PRKCD: variants seen among roughly 807,000 people sequenced by gnomAD.
PRKCD encodes the protein protein kinase C delta, also known as protein kinase C delta type.
A neutral mutation model predicts 82.2 loss-of-function variants in PRKCD; 20 were observed. The observed-to-expected ratio is 0.24, with a 90% CI of 0.17 to 0.35. PRKCD has a LOEUF of 0.35. Among genes scored for constraint, PRKCD ranks in the 10% least tolerant of loss-of-function variants. The pLI, the probability that PRKCD is intolerant of heterozygous loss-of-function variation, is 1.00. For synonymous variants in PRKCD, 317 were observed against 337.0 expected (o/e 0.94, Z 0.65); for missense variants, 607 against 899.0 (o/e 0.68, Z 4.15).
chr3:53,186,737 A>G (rs1553669257), intron 14 of PRKCD, 42 bp downstream of exon 14: 27 of 1,530,612 alleles, frequency 1.8e-5, no homozygotes, highest in Non-Finnish European at 2.3e-5. Context: ...GTGTGGAGGA[A>G]GGGCTACTGG....
intron 9 of PRKCD, among the ~76,000 whole-genome samples, chr3:53,184,009 C>G (rs991254192): frequency 2.0e-5 from 3 of 152,298 alleles, no homozygotes; most frequent in South Asian, 4.1e-4. Context: ...AATTAGGTCC[C>G]TGTCTTCTGG....
intron 6 of PRKCD, 40 bp from the exon 7 acceptor site, chr3:53,181,661 G>T (rs782210145): frequency 1.2e-6 from 2 of 1,612,500 alleles, no homozygotes; most frequent in Admixed American, 3.3e-5. Flanking sequence ...GGCCGATCCC[G>T]GTCCCCGCTC....
intron 4 of PRKCD, 46 bp downstream of exon 4, chr3:53,179,822 G>GTC (rs782804810): frequency 2.3e-5 from 33 of 1,458,636 alleles, no homozygotes; most frequent in African/African-American, 2.9e-5. Context: ...GTGTGTGTCT[G>GTC]TGTGTGTGTG....
chr3:53,171,365 G>A (rs1253492842), intron 2 of PRKCD, among the ~76,000 whole-genome samples: 1 of 152,170 alleles, frequency 6.6e-6, no homozygotes, highest in Non-Finnish European at 1.5e-5. Flanking sequence ...TGACAGCCAG[G>A]CTCCCAAGTC....
intron 2 of PRKCD, among the ~76,000 whole-genome samples, chr3:53,174,375 C>T (rs1022687305): frequency 1.3e-5 from 2 of 152,190 alleles, no homozygotes; most frequent in Non-Finnish European, 1.5e-5. Context: ...AGGAGCTTGT[C>T]CCCATGGAGG....
At chr3:53,186,379 C>T in intron 13 of PRKCD, 39 bp downstream of exon 13, 1 of 1,610,262 alleles carries the variant, frequency 6.2e-7, no homozygotes, top group Non-Finnish European at 8.5e-7. Context: ...CATGCCACAG[C>T]CATGTCCCAC....
At chr3:53,183,285 T>C in intron 8 of PRKCD, 79 bp downstream of exon 8, 1 of 1,448,372 alleles carries the variant, frequency 6.9e-7, no homozygotes, top group Non-Finnish European at 9.6e-7. Context: ...CTCCCCACCC[T>C]CCCTGGGGAG....
intron 2 of PRKCD, among the ~76,000 whole-genome samples, chr3:53,177,663 C>T (rs772855172): frequency 3.3e-5 from 5 of 152,150 alleles, no homozygotes; most frequent in African/African-American, 4.8e-5. Context: ...ATGGCACATA[C>T]CAGGTGCCTG....
At chr3:53,183,688 A>G in intron 9 of PRKCD, 107 bp downstream of exon 9, 4 of 1,462,212 alleles carry the variant, frequency 2.7e-6, no homozygotes, top group African/African-American at 1.4e-5. Context: ...GGAGACGGGC[A>G]CCTCATTCAG....
In PRKCD at chr3:53,186,547, CAGTG is replaced by C; in HGVS notation, c.1261-54_1261-51del. The C allele has an allele frequency of 1.5e-5, 23 of 1,507,722 alleles. No homozygotes were observed. In the Middle Eastern group the frequency reaches 8.7e-4, roughly 57 times the overall value. The allele number at this position is 1,507,722 out of a possible 1,614,324, so 93.4% of individuals were successfully genotyped here. On this transcript the variant is annotated intron_variant, in intron 13 of 18. Coordinates refer to ENST00000330452, the MANE Select transcript of PRKCD (RefSeq NM_006254.4). Reference sequence around the variant, plus strand: ...GTTGGGGCTTGGCCCCAGTGGCCCTCAGTGAGGGAGCCTCCTGCCTATTCCTCAC... The same window carrying C: ...GTTGGGGCTTGGCCCCAGTGGCCCTCAGGGAGCCTCCTGCCTATTCCTCAC...
intron 18 of PRKCD, among the ~76,000 whole-genome samples, chr3:53,190,426 C>T (rs782304199): frequency 6.6e-5 from 10 of 152,042 alleles, no homozygotes; most frequent in Non-Finnish European, 1.5e-4. Flanking sequence ...ATTTGTGATA[C>T]GAGATGACAG....
chr3:53,179,761 C>A lies in PRKCD; in HGVS notation c.300C>A (p.Gly100=), dbSNP rs782734100. 64 of 1,566,062 alleles carry A rather than the reference C, an allele frequency of 4.1e-5. No homozygotes were observed. In the Middle Eastern group the frequency reaches 5.1e-4, roughly 12 times the overall value. ...VLAERCKKNN[G]KAEFWLDLQP... The stretch of plus-strand genomic sequence containing the variant: ...CCGAGCGCTGCAAGAAGAACAATGG[C>A]AAGGCTGAGTTCTGGGTAAGGGGCG... The change falls in exon 4 of 19, where the codon GGC becomes GGA. Residue 100 remains glycine (G), a synonymous_variant. Coordinates refer to ENST00000330452, the MANE Select transcript of PRKCD (RefSeq NM_006254.4).
rs143202454 is a variant in PRKCD at position 53,185,675 on chromosome 3, C to T, written c.960C>T (p.Thr320=). 46 of 1,612,488 alleles carry T rather than the reference C, an allele frequency of 2.9e-5. No individual in the cohort carries two copies. The Middle Eastern group carries it at 9.9e-4, about 35-fold the overall frequency. Reference sequence around the variant, plus strand: ...TATATCAGGGTTTCGAGAAGAAGACCGGAGTTGCTGGGGAGGACATGCAAG... The same window carrying T: ...TATATCAGGGTTTCGAGAAGAAGACTGGAGTTGCTGGGGAGGACATGCAAG... ...VGIYQGFEKK[T]GVAGEDMQDN... Residue 320 remains threonine (T), a synonymous_variant, in exon 11 of 19, where the codon ACC becomes ACT. Transcript: ENST00000330452.
rs782411648 is a variant in PRKCD at position 53,178,410 on chromosome 3, T to C, written c.-13T>C. 6.2e-7 allele frequency: 1 copy of C among 1,607,864 alleles called. No homozygotes were observed. Among genetic ancestry groups the C allele is most frequent in the South Asian group, 1.1e-5 (1 of 90,748 alleles). On this transcript the variant is annotated 5_prime_UTR_variant, in exon 3 of 19. Coordinates refer to ENST00000330452, the MANE Select transcript of PRKCD (RefSeq NM_006254.4). ...CACCCCTCTGTGTGCACAGCCCCAC[T>C]GCAGGCCCCACCATGGCGCCGTTCC... is the stretch of plus-strand genomic sequence containing the variant.
chr3:53,191,962 C>G (rs938827478), intron 18 of PRKCD, 146 bp from the exon 19 acceptor site: 1 of 755,122 alleles, frequency 1.3e-6, no homozygotes, highest in Admixed American at 2.9e-5. Context: ...CCATGGGGCT[C>G]CTTTCAGGCT....
chr3:53,175,281 G>T (rs573448637), intron 2 of PRKCD, among the ~76,000 whole-genome samples: 17 of 152,332 alleles, frequency 1.1e-4, no homozygotes, highest in African/African-American at 3.6e-4. Flanking sequence ...CGGAATGGAT[G>T]CGGTGGGGGA....
intron 9 of PRKCD, among the ~76,000 whole-genome samples, chr3:53,183,941 CAG>C (rs2107270186): frequency 1.3e-5 from 2 of 150,534 alleles, no homozygotes; most frequent in East Asian, 4.0e-4. Context: ...AGAGATGAGA[CAG>C]AAGACCCTGG....
intron 2 of PRKCD, among the ~76,000 whole-genome samples, chr3:53,168,259 C>T (rs1246961376): frequency 3.9e-5 from 6 of 152,206 alleles, no homozygotes; most frequent in Admixed American, 3.9e-4. Flanking sequence ...CTAGAAAACC[C>T]CCTACACCCA....
chr3:53,178,370 C>T (rs1703290745), intron 2 of PRKCD, 34 bp from the exon 3 acceptor site: 1 of 1,499,068 alleles, frequency 6.7e-7, no homozygotes, highest in African/African-American at 1.4e-5. Flanking sequence ...CTGGTCCCGC[C>T]CGGCCGCCTG....
Sources: gnomAD v4.1 joint callset for allele counts (sites outside exome capture counted in the v4.1 genomes callset) on GRCh38, gnomAD v4.1.1 for gene constraint, MANE v1.5 for transcripts, NCBI Gene and HGNC (gene_info 2026-07-23, HGNC 2026-07-21) for gene names.